Variants in ZNF536 observed in about 807,000 individuals in gnomAD.
ZNF536 encodes zinc finger protein 536.
ZNF536 carries 13 observed loss-of-function variants against 84.5 expected under a neutral mutation model. That is an observed-to-expected ratio of 0.15 (90% CI 0.10 to 0.24). The LOEUF is 0.24. Ranked by LOEUF, ZNF536 falls within the 10% of genes least tolerant of loss-of-function variation. The pLI is 1.00. For synonymous variants in ZNF536, 811 were observed against 742.5 expected (o/e 1.09, Z -1.50); for missense variants, 1,536 against 1,747.5 (o/e 0.88, Z 2.16).
intron 1 of ZNF536, among the ~76,000 whole-genome samples, chr19:30,256,340 T>C (rs2024916784): frequency 1.3e-5 from 2 of 152,360 alleles, no homozygotes; most frequent in South Asian, 4.1e-4. Context: ...GTGTAAGTCA[T>C]GGGATCAGCC....
At chr19:30,431,967 T>C (rs561842759) in intron 1 of ZNF536, among the ~76,000 whole-genome samples, 1 of 149,142 alleles carries the variant, frequency 6.7e-6, no homozygotes, top group African/African-American at 2.5e-5. Context: ...CATTATTATG[T>C]TAAAGATATA....
At chr19:30,448,900 G>A (rs1005668337) in intron 2 of ZNF536, among the ~76,000 whole-genome samples, 3 of 152,324 alleles carry the variant, frequency 2.0e-5, no homozygotes, top group East Asian at 1.9e-4. Flanking sequence ...AGTTATTGCC[G>A]AGATGGGCGA....
chr19:30,660,245 T>C (rs981113460), intron 1 of ZNF536, among the ~76,000 whole-genome samples: 1 of 152,220 alleles, frequency 6.6e-6, no homozygotes, highest in African/African-American at 2.4e-5. Flanking sequence ...CATGGCAGTG[T>C]GCAGTTTCAG....
At chr19:30,320,250 A>T (rs1402622472) in intron 2 of ZNF536, among the ~76,000 whole-genome samples, 7 of 152,190 alleles carry the variant, frequency 4.6e-5, no homozygotes, top group African/African-American at 1.7e-4. Flanking sequence ...GGTCACTGTC[A>T]TTTATTTTTT....
chr19:30,649,976 G>T (rs947179038), intron 1 of ZNF536, among the ~76,000 whole-genome samples: 1 of 151,920 alleles, frequency 6.6e-6, no homozygotes, highest in Non-Finnish European at 1.5e-5. Flanking sequence ...AAATGATACG[G>T]GTAAGTGAAC....
chr19:30,612,397 C>A (rs144752084), intron 1 of ZNF536, among the ~76,000 whole-genome samples: 1 of 152,130 alleles, frequency 6.6e-6, no homozygotes, highest in Non-Finnish European at 1.5e-5. Flanking sequence ...CCTGACTTTG[C>A]GGGACCATCA....
At chr19:30,546,390 G>A (rs8101655) in intron 3 of ZNF536, among the ~76,000 whole-genome samples, 3,144 of 152,282 alleles carry the variant, frequency 0.021, 104 homozygotes, top group African/African-American at 0.072. Flanking sequence ...AGACCTAAGG[G>A]CCACCTCTGA....
At chr19:30,472,768 G>A (rs2053689049) in intron 2 of ZNF536, among the ~76,000 whole-genome samples, 1 of 152,090 alleles carries the variant, frequency 6.6e-6, no homozygotes, top group Admixed American at 6.5e-5. Context: ...TTCAAAGGAT[G>A]GCATGTCAGC....
chr19:30,271,260 T>C (rs1468971778), intron 1 of ZNF536, among the ~76,000 whole-genome samples: 1 of 151,164 alleles, frequency 6.6e-6, no homozygotes, highest in Non-Finnish European at 1.5e-5. Context: ...GCTTGCAGAG[T>C]ACATGCTTCT....
chr19:30,383,831 C>CTTCT (rs1157726923), intron 1 of ZNF536, among the ~76,000 whole-genome samples: 1 of 106,930 alleles, frequency 9.4e-6, no homozygotes, highest in Non-Finnish European at 1.8e-5. Context: ...TTTCTTTCTC[C>CTTCT]TTCTTTCCTT....
chr19:30,552,424 G>A (rs113124846), intron 4 of ZNF536, among the ~76,000 whole-genome samples: 1,640 of 152,214 alleles, frequency 0.011, 34 homozygotes, highest in African/African-American at 0.037. Flanking sequence ...CTTAAGGAAG[G>A]GCTCTGTTCT....
intron 3 of ZNF536, among the ~76,000 whole-genome samples, chr19:30,538,618 G>C (rs774403178): frequency 1.4e-4 from 22 of 152,264 alleles, no homozygotes; most frequent in Non-Finnish European, 2.4e-4. Context: ...CAGGTCCTCA[G>C]GGGACCAAGG....
chr19:30,301,034 C>T, intron 2 of ZNF536, among the ~76,000 whole-genome samples: 1 of 152,188 alleles, frequency 6.6e-6, no homozygotes, highest in East Asian at 1.9e-4. Flanking sequence ...AATGCTGGAT[C>T]ATCAGGGGGT....
At chr19:30,597,070 C>T (rs1025594413) in intron 1 of ZNF536, among the ~76,000 whole-genome samples, 2 of 152,022 alleles carry the variant, frequency 1.3e-5, no homozygotes, top group African/African-American at 2.4e-5. Context: ...TTACTTAATC[C>T]CTTAAATGTG....
chr19:30,479,478 T>A (rs1819622156), intron 2 of ZNF536, among the ~76,000 whole-genome samples: 1 of 152,232 alleles, frequency 6.6e-6, no homozygotes, highest in South Asian at 2.1e-4. Context: ...GAGACAGGAA[T>A]TGCTAGTTGG....
chr19:30,572,250 G>A (rs950222952), intron 1 of ZNF536, among the ~76,000 whole-genome samples: 1 of 152,226 alleles, frequency 6.6e-6, no homozygotes, highest in Non-Finnish European at 1.5e-5. Context: ...GTGTCTGTGT[G>A]CTGCGTCTCA....
intron 1 of ZNF536, among the ~76,000 whole-genome samples, chr19:30,426,348 A>G (rs918517974): frequency 1.3e-5 from 2 of 152,230 alleles, no homozygotes; most frequent in African/African-American, 2.4e-5. Flanking sequence ...ACATCACATC[A>G]ACCTGATGTA....
At chr19:30,270,563 C>T (rs1047497611) in intron 1 of ZNF536, among the ~76,000 whole-genome samples, 1 of 152,160 alleles carries the variant, frequency 6.6e-6, no homozygotes, top group African/African-American at 2.4e-5. Context: ...GAGGTGACAC[C>T]GTAAACAGGT....
At chr19:30,279,733 A>G (rs11671091) in intron 1 of ZNF536, among the ~76,000 whole-genome samples, 98,343 of 152,036 alleles carry the variant, frequency 0.65, 33,245 homozygotes, top group Non-Finnish European at 0.77. Context: ...GTTCCGAGGC[A>G]TTGCTTGGGA....
Sources: gnomAD v4.1 joint callset for allele counts (sites outside exome capture counted in the v4.1 genomes callset) on GRCh38, gnomAD v4.1.1 for gene constraint, MANE v1.5 for transcripts, NCBI Gene and HGNC (gene_info 2026-07-23, HGNC 2026-07-21) for gene names.